Variants in BABAM2 observed in about 807,000 individuals in gnomAD.
BABAM2 encodes the protein BRISC and BRCA1 A complex member 2, also known as BRISC and BRCA1-A complex member 2.
In BABAM2, 31 loss-of-function variants were observed where a neutral mutation model predicts 54.7. The ratio of observed to expected loss-of-function variants is 0.57; its 90% confidence interval spans 0.43 to 0.77. The LOEUF is 0.77. Ranked by LOEUF, BABAM2 falls within the 30% of genes least tolerant of loss-of-function variation. BABAM2 has a pLI of 0.00. For missense variants in BABAM2, 364 were observed against 455.8 expected (o/e 0.80, Z 1.83); for synonymous variants, 167 against 162.9 (o/e 1.03, Z -0.19).
intron 10 of BABAM2, among the ~76,000 whole-genome samples, chr2:28,270,199 G>A (rs1271485181): frequency 6.6e-6 from 1 of 151,926 alleles, no homozygotes; most frequent in Admixed American, 6.6e-5. Context: ...ATAGCTCACT[G>A]CTGCCTCAAA....
At chr2:28,284,387 T>C (rs56258979) in intron 10 of BABAM2, among the ~76,000 whole-genome samples, 17,761 of 150,740 alleles carry the variant, frequency 0.12, 1,517 homozygotes, top group African/African-American at 0.24. Context: ...GATTATATTG[T>C]GGGTCTTTAA....
At chr2:28,194,013 A>C (rs1187493530) in intron 7 of BABAM2, among the ~76,000 whole-genome samples, 1 of 152,082 alleles carries the variant, frequency 6.6e-6, no homozygotes, top group Non-Finnish European at 1.5e-5. Flanking sequence ...CCGTAACCAA[A>C]TTTGGGGGGT....
intron 1 of BABAM2, among the ~76,000 whole-genome samples, chr2:27,892,624 A>G (rs1003725406): frequency 4.7e-4 from 71 of 152,342 alleles, no homozygotes; most frequent in African/African-American, 1.7e-3. Context: ...TCAAATTATA[A>G]TAATTACCCA....
intron 11 of BABAM2, among the ~76,000 whole-genome samples, chr2:28,319,363 G>A (rs1048881456): frequency 6.6e-6 from 1 of 152,260 alleles, no homozygotes; most frequent in Non-Finnish European, 1.5e-5. Flanking sequence ...CCCTGAGTGA[G>A]CACACAGCTT....
rs1321674370 is a variant in BABAM2, at chr2:28,290,211, C to A, written c.935-8127C>A. Among the ~76,000 whole-genome samples, 3 of 152,292 alleles carry A rather than the reference C, an allele frequency of 2.0e-5. No individual in the cohort carries two copies. In the East Asian group the frequency reaches 5.8e-4, roughly 29 times the overall value. Reference sequence around the variant, plus strand: ...AGGTATTCCTGTGAAAGAATAGGCACAATGTATTTATCCGGTCTCCTGTTG... The same window carrying A: ...AGGTATTCCTGTGAAAGAATAGGCAAAATGTATTTATCCGGTCTCCTGTTG... On this transcript the variant is annotated intron_variant, in intron 10 of 11. Transcript: ENST00000379624.
chr2:28,211,571 TAGAG>T (rs1420927654), intron 7 of BABAM2, among the ~76,000 whole-genome samples: 10 of 151,926 alleles, frequency 6.6e-5, no homozygotes, highest in African/African-American at 2.4e-4. Context: ...GTATTTTTAG[TAGAG>T]ACAGGGTTTC....
intron 3 of BABAM2, 131 bp from the exon 4 acceptor site, chr2:27,987,862 C>T: frequency 1.6e-6 from 1 of 608,996 alleles, no homozygotes. Context: ...AATTAATCAT[C>T]TGGAAAGTGC....
At position 28,043,778 on chromosome 2, in the gene BABAM2, T is replaced by C. The variant is rs182342999; in HGVS notation, c.496-1947T>C. 1.2e-4 allele frequency among the ~76,000 whole-genome samples: 19 copies of C among 152,342 alleles called. No homozygotes were observed. The East Asian group carries it at 3.3e-3, about 26-fold the overall frequency. ...CTGTAACAGAAGGCAAGAATTATAA[T>C]AGGATCTCACAAACCTTCTCCCACC... is the stretch of plus-strand genomic sequence containing the variant. On this transcript the variant is annotated intron_variant, in intron 5 of 11. Transcript: ENST00000379624.
chr2:27,927,830 A>G (rs1030836249), intron 2 of BABAM2, among the ~76,000 whole-genome samples: 4 of 146,332 alleles, frequency 2.7e-5, no homozygotes, highest in Admixed American at 1.4e-4. Flanking sequence ...ACCCTTGTTA[A>G]AGTTTCTGTT....
chr2:28,110,975 T>C (rs1667957089), intron 6 of BABAM2, among the ~76,000 whole-genome samples: 1 of 150,852 alleles, frequency 6.6e-6, no homozygotes, highest in Admixed American at 6.6e-5. Flanking sequence ...TGTTTCTTTT[T>C]TTTTTTTTTT....
At chr2:28,326,947 C>T (rs1471644062) in intron 11 of BABAM2, among the ~76,000 whole-genome samples, 1 of 152,194 alleles carries the variant, frequency 6.6e-6, no homozygotes, top group African/African-American at 2.4e-5. Context: ...AACATTCTAT[C>T]ATTCTAAAGT....
rs560209479 is a variant in BABAM2, at chr2:28,058,534, G to T, written c.570+12735G>T. Among the ~76,000 whole-genome samples the T allele has an allele frequency of 8.6e-5, 13 of 150,988 alleles. No homozygotes were observed. In the East Asian group the frequency reaches 2.5e-3, roughly 29 times the overall value. ...TTCAGGTGATGCATGTTTTAGATTT[G>T]CTGAAGTGTATATAAAATATATATA... On this transcript the variant is annotated intron_variant, in intron 6 of 11. Coordinates refer to ENST00000379624, the MANE Select transcript of BABAM2 (RefSeq NM_199191.3).
At chr2:28,029,235 C>T (rs1333767706) in intron 5 of BABAM2, among the ~76,000 whole-genome samples, 1 of 152,120 alleles carries the variant, frequency 6.6e-6, no homozygotes, top group Non-Finnish European at 1.5e-5. Flanking sequence ...AGACACATAA[C>T]ACTACATTTG....
chr2:28,313,009 G>C (rs562841516), intron 11 of BABAM2, among the ~76,000 whole-genome samples: 15 of 152,264 alleles, frequency 9.9e-5, no homozygotes, highest in Non-Finnish European at 1.9e-4. Context: ...CCTCTTTCCT[G>C]CTCCCTTGCT....
intron 11 of BABAM2, among the ~76,000 whole-genome samples, chr2:28,315,664 A>AT (rs568389461): frequency 0.042 from 5,876 of 140,488 alleles, 359 homozygotes; most frequent in African/African-American, 0.14. Flanking sequence ...TTTATTTTTT[A>AT]TTTTTTTTTT....
At chr2:28,003,743 T>G (rs1300984016) in intron 4 of BABAM2, among the ~76,000 whole-genome samples, 1 of 152,176 alleles carries the variant, frequency 6.6e-6, no homozygotes, top group Non-Finnish European at 1.5e-5. Flanking sequence ...ATTTATTTAT[T>G]GATAAAACTG....
intron 3 of BABAM2, among the ~76,000 whole-genome samples, chr2:27,936,569 T>C (rs527516083): frequency 7.9e-5 from 12 of 152,144 alleles, no homozygotes; most frequent in South Asian, 2.1e-4. Flanking sequence ...CAATGATAGA[T>C]TGGATTAAGA....
At chr2:27,903,356 T>C (rs1300028716) in intron 2 of BABAM2, among the ~76,000 whole-genome samples, 1 of 152,258 alleles carries the variant, frequency 6.6e-6, no homozygotes, top group East Asian at 1.9e-4. Context: ...CCCTGTGTTC[T>C]ACATACGTTT....
intron 7 of BABAM2, among the ~76,000 whole-genome samples, chr2:28,183,486 A>C (rs932306209): frequency 2.6e-5 from 4 of 152,166 alleles, no homozygotes; most frequent in African/African-American, 9.7e-5. Flanking sequence ...ATGTAAATGA[A>C]GGTCATATAA....
Sources: gnomAD v4.1 joint callset for allele counts (sites outside exome capture counted in the v4.1 genomes callset) on GRCh38, gnomAD v4.1.1 for gene constraint, MANE v1.5 for transcripts, NCBI Gene and HGNC (gene_info 2026-07-23, HGNC 2026-07-21) for gene names.